Variants in MSRA observed in about 807,000 individuals in gnomAD.
MSRA encodes methionine sulfoxide reductase A.
Under a neutral mutation model 31.3 loss-of-function variants are expected in MSRA, and 54 were observed. That is an observed-to-expected ratio of 1.73 (90% CI 1.39 to 2.17). The LOEUF is 2.17. MSRA is among the 30% of genes most tolerant of loss of function. The pLI is 0.00. For missense variants in MSRA, 507 were observed against 300.9 expected (o/e 1.69, Z -5.07); for synonymous variants, 169 against 116.5 (o/e 1.45, Z -2.90).
intron 1 of MSRA, among the ~76,000 whole-genome samples, chr8:10,203,997 C>CAG (rs1321857411): frequency 6.6e-6 from 1 of 150,466 alleles, no homozygotes; most frequent in Non-Finnish European, 1.5e-5. Flanking sequence ...AAGTTTTCAA[C>CAG]AAAATTTAAA....
intron 3 of MSRA, among the ~76,000 whole-genome samples, chr8:10,257,367 A>G (rs1013204266): frequency 1.4e-4 from 21 of 152,154 alleles, no homozygotes; most frequent in African/African-American, 5.1e-4. Flanking sequence ...CTGACAGCCC[A>G]TGTATTCTAC....
chr8:10,146,100 C>G (rs1048780712), intron 1 of MSRA, among the ~76,000 whole-genome samples: 1 of 152,150 alleles, frequency 6.6e-6, no homozygotes, highest in Non-Finnish European at 1.5e-5. Flanking sequence ...AGAAATGGTT[C>G]CTGCTGTCCA....
chr8:10,237,076 A>G (rs936927573), intron 2 of MSRA, among the ~76,000 whole-genome samples: 2 of 152,252 alleles, frequency 1.3e-5, no homozygotes. Flanking sequence ...AGTTATTCAC[A>G]CTAAAATCAC....
intron 1 of MSRA, among the ~76,000 whole-genome samples, chr8:10,197,722 A>G (rs1808118242): frequency 6.6e-6 from 1 of 152,160 alleles, no homozygotes; most frequent in African/African-American, 2.4e-5. Context: ...GGAGTTGATA[A>G]GCTTGCTCAG....
intron 1 of MSRA, among the ~76,000 whole-genome samples, chr8:10,207,242 T>TG (rs1563218561): frequency 6.6e-6 from 1 of 151,972 alleles, no homozygotes; most frequent in Non-Finnish European, 1.5e-5. Context: ...AGGACCTGGG[T>TG]GGGGGGATAA....
rs369773739 is a variant in MSRA, at chr8:10,137,871, T to C, written c.143-69962T>C. Among the ~76,000 whole-genome samples, 33 of 152,348 alleles carry C rather than the reference T, an allele frequency of 2.2e-4. 1 individual carries two copies. Among genetic ancestry groups the C allele is most frequent in the African/African-American group, 7.9e-4 (33 of 41,570 alleles). On this transcript the variant is annotated intron_variant, in intron 1 of 5. Coordinates refer to ENST00000317173, the MANE Select transcript of MSRA (RefSeq NM_012331.5). ...ACAAAGTTTTATTACTGTAGAGGCA[T>C]GTTTTTATACATTGTTTTATTTGAC...
chr8:10,113,484 A>G (rs1025805719), intron 1 of MSRA, among the ~76,000 whole-genome samples: 3 of 150,984 alleles, frequency 2.0e-5, no homozygotes, highest in Non-Finnish European at 4.4e-5. Flanking sequence ...ATTGTGCAGA[A>G]CTGACGTTCA....
At chr8:10,108,593 C>T (rs1486815656) in intron 1 of MSRA, among the ~76,000 whole-genome samples, 1 of 152,160 alleles carries the variant, frequency 6.6e-6, no homozygotes, top group Non-Finnish European at 1.5e-5. Context: ...ATGCCCTCTT[C>T]TCTTGATTCA....
intron 1 of MSRA, among the ~76,000 whole-genome samples, chr8:10,130,512 T>G (rs1419338653): frequency 1.3e-5 from 2 of 152,192 alleles, no homozygotes; most frequent in African/African-American, 4.8e-5. Flanking sequence ...GCTTGGATAT[T>G]TTCCCCTCCG....
intron 5 of MSRA, among the ~76,000 whole-genome samples, chr8:10,376,874 T>C (rs908095341): frequency 6.6e-6 from 1 of 152,248 alleles, no homozygotes; most frequent in Non-Finnish European, 1.5e-5. Flanking sequence ...CGCAGGTGCC[T>C]TCTTTACTGT....
chr8:10,146,519 TG>T (rs1803158861), intron 1 of MSRA, among the ~76,000 whole-genome samples: 1 of 152,088 alleles, frequency 6.6e-6, no homozygotes. Context: ...GGCCGAGGGC[TG>T]GGGGTTTCGA....
At chr8:10,172,768 G>A (rs912441082) in intron 1 of MSRA, among the ~76,000 whole-genome samples, 1 of 152,136 alleles carries the variant, frequency 6.6e-6, no homozygotes, top group African/African-American at 2.4e-5. Context: ...AGGGACTCAG[G>A]TTGCCTGTAG....
At position 10,421,042 on chromosome 8, in the gene MSRA, A is replaced by G. The variant is rs894457090; in HGVS notation, c.544-7106A>G. ...AAACCAAAGAGATGGCCTGTGAAATAAACGTCACGTGTTTTGAGTCCCGGG... is the reference window on the plus strand; with the variant it reads ...AAACCAAAGAGATGGCCTGTGAAATGAACGTCACGTGTTTTGAGTCCCGGG... On this transcript the variant is annotated intron_variant, in intron 5 of 5. Coordinates refer to ENST00000317173, the MANE Select transcript of MSRA (RefSeq NM_012331.5). Among the ~76,000 whole-genome samples, 48 of 152,264 alleles carry G rather than the reference A, an allele frequency of 3.2e-4. 1 individual carries two copies. Among genetic ancestry groups the G allele is most frequent in the African/African-American group, 1.1e-3 (47 of 41,546 alleles).
chr8:10,117,194 G>A (rs546976472), intron 1 of MSRA, among the ~76,000 whole-genome samples: 1 of 152,274 alleles, frequency 6.6e-6, no homozygotes, highest in Admixed American at 6.5e-5. Flanking sequence ...AAGTAGGCAT[G>A]CCTACTTTGT....
intron 3 of MSRA, among the ~76,000 whole-genome samples, chr8:10,282,491 G>A (rs184489513): frequency 2.1e-4 from 32 of 152,302 alleles, no homozygotes; most frequent in Admixed American, 8.5e-4. Context: ...CAGCATAGTC[G>A]ACATTGTGGG....
chr8:10,340,067 A>G (rs944830688), intron 5 of MSRA, among the ~76,000 whole-genome samples: 1 of 152,194 alleles, frequency 6.6e-6, no homozygotes, highest in Non-Finnish European at 1.5e-5. Context: ...TGGTATGAGA[A>G]TATGAGTAGC....
intron 5 of MSRA, among the ~76,000 whole-genome samples, chr8:10,427,187 C>G (rs1025095752): frequency 6.6e-6 from 1 of 152,158 alleles, no homozygotes; most frequent in East Asian, 1.9e-4. Context: ...CTTTGCAGCT[C>G]TTTACTGAAT....
At chr8:10,061,531 A>C (rs1189680544) in intron 1 of MSRA, among the ~76,000 whole-genome samples, 1 of 152,138 alleles carries the variant, frequency 6.6e-6, no homozygotes, top group African/African-American at 2.4e-5. Flanking sequence ...CGGAACTCGC[A>C]CAATCTGTCT....
intron 3 of MSRA, among the ~76,000 whole-genome samples, chr8:10,248,881 G>C (rs1328743557): frequency 1.3e-5 from 2 of 152,232 alleles, no homozygotes; most frequent in South Asian, 2.1e-4. Flanking sequence ...CGCCCATTGA[G>C]AGTGGCAGTA....
Sources: allele counts gnomAD v4.1 joint callset (sites outside exome capture counted in the v4.1 genomes callset), GRCh38; gene constraint gnomAD v4.1.1; transcripts MANE v1.5; gene names NCBI Gene and HGNC (gene_info 2026-07-23, HGNC 2026-07-21).